TTC34: variants seen among roughly 807,000 people sequenced by gnomAD.
TTC34 encodes the protein tetratricopeptide repeat domain 34.
In TTC34, 44 loss-of-function variants were observed where a neutral mutation model predicts 40.7. That is an observed-to-expected ratio of 1.08 (90% CI 0.85 to 1.39). The LOEUF (loss-of-function observed/expected upper bound fraction) is 1.39. Ranked by LOEUF, TTC34 falls within the 40% of genes most tolerant of loss-of-function variation. TTC34 has a pLI of 0.00. For synonymous variants in TTC34, 422 were observed against 398.6 expected (o/e 1.06, Z -0.70); for missense variants, 884 against 838.0 (o/e 1.05, Z -0.68).
chr1:2,787,358 ATGCAGTCGCC>A, intron 4 of TTC34, 113 bp downstream of exon 4: 1 of 854,538 alleles, frequency 1.2e-6, no homozygotes, highest in Non-Finnish European at 1.7e-6. Flanking sequence ...CTGGGGCTGA[ATGCAGTCGCC>A]TGGTCCAAAG....
chr1:2,675,238 C>T (rs1454482208), intron 6 of TTC34, among the ~76,000 whole-genome samples: 1 of 148,832 alleles, frequency 6.7e-6, no homozygotes, highest in Non-Finnish European at 1.5e-5. Context: ...ACAGCACCCA[C>T]AACCCCAGGT....
At chr1:2,694,812 G>A (rs773719725) in intron 6 of TTC34, among the ~76,000 whole-genome samples, 4 of 57,662 alleles carry the variant, frequency 6.9e-5, no homozygotes, top group African/African-American at 1.0e-4. Flanking sequence ...GCATCTGACA[G>A]CCTGGAACGA....
intron 8 of TTC34, among the ~76,000 whole-genome samples, chr1:2,642,259 G>T (rs1172372455): frequency 6.6e-6 from 1 of 152,068 alleles, no homozygotes; most frequent in Non-Finnish European, 1.5e-5. Context: ...CAGCCCTACC[G>T]CCCCACCGGC....
intron 2 of TTC34, among the ~76,000 whole-genome samples, chr1:2,797,450 C>T (rs1643719511): frequency 1.3e-5 from 2 of 151,888 alleles, no homozygotes; most frequent in African/African-American, 4.8e-5. Flanking sequence ...CTCATTTGCA[C>T]TGACCCTAAA....
At chr1:2,750,117 C>A (rs1641266681) in intron 6 of TTC34, among the ~76,000 whole-genome samples, 4 of 135,138 alleles carry the variant, frequency 3.0e-5, no homozygotes, top group Non-Finnish European at 6.3e-5. Context: ...TGGAACAGCA[C>A]CCACACACCC....
At position 2,685,117 on chromosome 1, in the gene TTC34, AC is replaced by A. The variant is rs1557609482; in HGVS notation, c.2227-39555del. Among the ~76,000 whole-genome samples the A allele has an allele frequency of 1.4e-5, 2 of 139,886 alleles. 1 individual carries two copies. Among genetic ancestry groups the A allele is most frequent in the African/African-American group, 5.9e-5 (2 of 33,982 alleles). The allele number at this position is 139,886 out of a possible 152,430, so 91.8% of individuals were successfully genotyped here. On this transcript the variant is annotated intron_variant, in intron 6 of 8. Transcript: ENST00000401095. ...CGTGACAGCTTGGATCAGCACCCACACCCCCAGGCGAGCATCGGACGGCCTG... is the reference window on the plus strand; with the variant it reads ...CGTGACAGCTTGGATCAGCACCCACACCCCAGGCGAGCATCGGACGGCCTG...
chr1:2,683,162 C>T (rs1316773760), intron 6 of TTC34, among the ~76,000 whole-genome samples: 1 of 138,634 alleles, frequency 7.2e-6, no homozygotes, highest in Non-Finnish European at 1.6e-5. Flanking sequence ...CCCAGGAGAG[C>T]ATCCGGCAGC....
At chr1:2,747,967 T>C (rs1641206639) in intron 6 of TTC34, among the ~76,000 whole-genome samples, 1 of 58,274 alleles carries the variant, frequency 1.7e-5, no homozygotes, top group Non-Finnish European at 2.8e-5. Context: ...CACCCATAGG[T>C]GAGCATCTGA....
chr1:2,694,019 C>T (rs1640747576), intron 6 of TTC34, among the ~76,000 whole-genome samples: 1 of 97,378 alleles, frequency 1.0e-5, no homozygotes, highest in South Asian at 3.0e-4. Flanking sequence ...CCTGGAACAG[C>T]ACCCACACCC....
chr1:2,683,440 T>C (rs1197365685), intron 6 of TTC34, among the ~76,000 whole-genome samples: 24 of 141,242 alleles, frequency 1.7e-4, no homozygotes, highest in South Asian at 6.6e-4. Context: ...CACCCCCAGG[T>C]GAGCATCCGA....
At chr1:2,778,482 G>A (rs1035522480) in intron 6 of TTC34, among the ~76,000 whole-genome samples, 1 of 152,222 alleles carries the variant, frequency 6.6e-6, no homozygotes, top group African/African-American at 2.4e-5. Context: ...GACAGCTCAG[G>A]CTAGTACCCA....
In TTC34 at chr1:2,751,242, G is replaced by A. The variant is rs1331987942; in HGVS notation, c.2226+32367C>T. 2.0e-4 allele frequency among the ~76,000 whole-genome samples: 5 copies of A among 24,626 alleles called. 1 individual carries two copies. Among genetic ancestry groups the A allele is most frequent in the African/African-American group, 9.4e-4 (5 of 5,304 alleles). The allele number at this position is 24,626 out of a possible 152,430, so 16.2% of individuals were successfully genotyped here. A position where few individuals can be genotyped will look rare whatever the true frequency, so the allele number is the denominator to read the frequency against. On this transcript the variant is annotated intron_variant, in intron 6 of 8. Coordinates refer to ENST00000401095, the Ensembl canonical transcript of TTC34. The stretch of plus-strand genomic sequence containing the variant: ...AGCATCTGACAGCCTGGAGCAGCAG[G>A]CACACCCCCAGTGAGCATCCGACAG...
intron 6 of TTC34, among the ~76,000 whole-genome samples, chr1:2,685,972 A>G (rs371262903): frequency 9.7e-6 from 1 of 103,118 alleles, no homozygotes; most frequent in South Asian, 3.2e-4. Flanking sequence ...ACAGGCGAGC[A>G]TCTGACTGCA....
chr1:2,685,196 C>T (rs548285248), intron 6 of TTC34, among the ~76,000 whole-genome samples: 13 of 141,542 alleles, frequency 9.2e-5, no homozygotes, highest in Non-Finnish European at 1.8e-4. Context: ...ACAGCACCCA[C>T]ACCCCCAGGT....
At chr1:2,686,592 G>A (rs7416366) in intron 6 of TTC34, among the ~76,000 whole-genome samples, 1 of 141,152 alleles carries the variant, frequency 7.1e-6, no homozygotes, top group Non-Finnish European at 1.6e-5. Context: ...GCCTGGAACA[G>A]CACACACACC....
At chr1:2,755,618 C>CT in intron 6 of TTC34, among the ~76,000 whole-genome samples, 4 of 122,046 alleles carry the variant, frequency 3.3e-5, no homozygotes, top group Non-Finnish European at 3.3e-5. Flanking sequence ...GAGCAGCACC[C>CT]ACACACCCAG....
At chr1:2,749,791 A>G (rs1487051287) in intron 6 of TTC34, among the ~76,000 whole-genome samples, 7 of 93,260 alleles carry the variant, frequency 7.5e-5, no homozygotes, top group South Asian at 8.6e-4. Context: ...GACAGCATGT[A>G]TCAGCACCCA....
intron 6 of TTC34, among the ~76,000 whole-genome samples, chr1:2,751,721 C>T (rs1641326941): frequency 6.6e-6 from 1 of 151,274 alleles, no homozygotes; most frequent in Non-Finnish European, 1.5e-5. Flanking sequence ...TGGAGCAGCA[C>T]CCACACCCCC....
At chr1:2,642,274 C>T (rs1028350981) in intron 8 of TTC34, among the ~76,000 whole-genome samples, 6 of 152,304 alleles carry the variant, frequency 3.9e-5, no homozygotes, top group African/African-American at 1.4e-4. Flanking sequence ...ACCGGCTGGG[C>T]CCAGGTTCCC....
Sources: gnomAD v4.1 joint callset for allele counts (sites outside exome capture counted in the v4.1 genomes callset) on GRCh38, gnomAD v4.1.1 for gene constraint, MANE v1.5 for transcripts, NCBI Gene and HGNC (gene_info 2026-07-23, HGNC 2026-07-21) for gene names.